The following PDE4D variants were observed in gnomAD, a reference collection of about 807,000 sequenced individuals.
PDE4D encodes the protein 3',5'-cyclic-AMP phosphodiesterase 4D.
PDE4D carries 24 observed loss-of-function variants against 87.4 expected under a neutral mutation model. The ratio of observed to expected loss-of-function variants is 0.27; its 90% CI spans 0.20 to 0.39. The LOEUF is 0.39. Ranked by LOEUF, PDE4D falls within the 10% of genes least tolerant of loss-of-function variation. PDE4D has a pLI of 1.00. For missense variants in PDE4D, 714 were observed against 1,041.0 expected (o/e 0.69, Z 4.32); for synonymous variants, 384 against 383.2 (o/e 1.00, Z -0.02).
chr5:59,414,646 C>G (rs1291586846), intron 1 of PDE4D, among the ~76,000 whole-genome samples: 2 of 152,220 alleles, frequency 1.3e-5, no homozygotes, highest in African/African-American at 4.8e-5. Context: ...ATGTCATTCA[C>G]TAGCTCATAC....
intron 2 of PDE4D, among the ~76,000 whole-genome samples, chr5:60,105,790 T>G (rs3989105): frequency 0.5 from 75,863 of 151,796 alleles, 19,439 homozygotes; most frequent in Admixed American, 0.56. Context: ...AGAAATAAAA[T>G]CCTTTACAGA....
intron 1 of PDE4D, among the ~76,000 whole-genome samples, chr5:59,668,845 G>GGAAGAGGAAGAAGAA (rs1561441240): frequency 1.6e-5 from 1 of 62,188 alleles, no homozygotes; most frequent in Admixed American, 1.7e-4. Flanking sequence ...AAGAGGAAGA[G>GGAAGAGGAAGAAGAA]GAAGAAGAAG....
At chr5:59,348,009 T>G (rs1159613520) in intron 1 of PDE4D, among the ~76,000 whole-genome samples, 1 of 152,150 alleles carries the variant, frequency 6.6e-6, no homozygotes, top group African/African-American at 2.4e-5. Context: ...TTTTATTTAT[T>G]GTTAACTTGT....
intron 1 of PDE4D, among the ~76,000 whole-genome samples, chr5:59,547,072 T>C (rs1423257682): frequency 6.6e-6 from 1 of 152,204 alleles, no homozygotes; most frequent in Non-Finnish European, 1.5e-5. Context: ...GAGTTGGTTC[T>C]ATGTTCATCC....
intron 1 of PDE4D, among the ~76,000 whole-genome samples, chr5:59,280,847 T>C (rs778403153): frequency 1.3e-5 from 2 of 151,578 alleles, no homozygotes; most frequent in Non-Finnish European, 2.9e-5. Flanking sequence ...TGTTACTATT[T>C]GTAAGAGATT....
chr5:59,710,068 G>A (rs551701056), intron 1 of PDE4D, among the ~76,000 whole-genome samples: 27 of 152,138 alleles, frequency 1.8e-4, no homozygotes, highest in Non-Finnish European at 2.8e-4. Context: ...GTGAGACATG[G>A]TGACTATGTG....
intron 2 of PDE4D, among the ~76,000 whole-genome samples, chr5:60,079,030 A>T (rs1341394358): frequency 1.3e-5 from 2 of 152,198 alleles, no homozygotes; most frequent in African/African-American, 4.8e-5. Context: ...CTATTTCTCC[A>T]CAACCTTGCC....
chr5:59,341,399 G>C (rs1778696348), intron 1 of PDE4D, among the ~76,000 whole-genome samples: 2 of 152,250 alleles, frequency 1.3e-5, no homozygotes, highest in South Asian at 4.1e-4. Context: ...TGAAGCATCA[G>C]AGTCCCTTAT....
In PDE4D at chr5:59,410,065, G is replaced by T. The variant is rs1792380538; in HGVS notation, c.456-194097C>A. Among the ~76,000 whole-genome samples, 3 of 151,934 alleles carry T rather than the reference G, an allele frequency of 2.0e-5. No homozygotes were observed. In the South Asian group the frequency reaches 6.2e-4, roughly 31 times the overall value. ...CATCTCAAGCATTTATCATTTCTTT[G>T]TGTTACAAACATTCCAATTATATTC... On this transcript the variant is annotated intron_variant, in intron 1 of 14. Transcript: ENST00000340635.
intron 1 of PDE4D, among the ~76,000 whole-genome samples, chr5:60,415,130 G>T (rs1742374341): frequency 6.6e-6 from 1 of 152,248 alleles, no homozygotes; most frequent in Non-Finnish European, 1.5e-5. Context: ...TCATTAATGT[G>T]CATGGGTTCC....
At chr5:60,336,708 T>C (rs1013594061) in intron 1 of PDE4D, among the ~76,000 whole-genome samples, 3 of 152,290 alleles carry the variant, frequency 2.0e-5, no homozygotes, top group Admixed American at 6.5e-5. Context: ...ATGATTCTGT[T>C]GATAGGATCC....
chr5:60,327,986 A>T (rs1039120320), intron 1 of PDE4D, among the ~76,000 whole-genome samples: 7 of 152,202 alleles, frequency 4.6e-5, no homozygotes, highest in Non-Finnish European at 1.0e-4. Flanking sequence ...AAAGAAACCA[A>T]AATAAGAATT....
rs75523714 is a variant in PDE4D at position 59,447,623 on chromosome 5, T to G, written c.456-231655A>C. ...AATTCATCGGAATGAGGAAGTAACA[T>G]TAGATATAGCTTTGGGACAGTGCAC... On this transcript the variant is annotated intron_variant, in intron 1 of 14. Coordinates refer to ENST00000340635, the MANE Select transcript of PDE4D (RefSeq NM_001104631.2). Among the ~76,000 whole-genome samples the G allele has an allele frequency of 4.6e-3, 701 of 152,352 alleles. 24 individuals are homozygous for G. The East Asian group carries it at 0.09, about 20-fold the overall frequency.
At chr5:59,460,376 T>G (rs1455606333) in intron 1 of PDE4D, among the ~76,000 whole-genome samples, 2 of 152,172 alleles carry the variant, frequency 1.3e-5, no homozygotes, top group African/African-American at 4.8e-5. Flanking sequence ...AAGACAATAC[T>G]AAATTACTTG....
intron 1 of PDE4D, among the ~76,000 whole-genome samples, chr5:59,482,614 A>G (rs1025889908): frequency 5.9e-5 from 9 of 152,184 alleles, no homozygotes; most frequent in Admixed American, 4.6e-4. Context: ...AAATGGACCC[A>G]TAGAAGTTAT....
intron 1 of PDE4D, among the ~76,000 whole-genome samples, chr5:59,395,277 A>T (rs1021812635): frequency 7.2e-5 from 11 of 152,208 alleles, no homozygotes; most frequent in Admixed American, 2.0e-4. Flanking sequence ...CTCTGGGGGC[A>T]GGGCAGGGCA....
intron 5 of PDE4D, chr5:59,039,339 G>A (rs1186926779): frequency 3.0e-5 from 31 of 1,037,756 alleles, no homozygotes; most frequent in Non-Finnish European, 3.4e-5. Context: ...AGCGGATGGC[G>A]AGGGGGTGGC....
chr5:59,614,390 T>G (rs1005514211), intron 1 of PDE4D, among the ~76,000 whole-genome samples: 1 of 152,340 alleles, frequency 6.6e-6, no homozygotes, highest in South Asian at 2.1e-4. Context: ...TTGTTTTATC[T>G]TTTAACTAAA....
At chr5:60,257,131 G>T (rs540794037) in intron 1 of PDE4D, among the ~76,000 whole-genome samples, 1 of 149,186 alleles carries the variant, frequency 6.7e-6, no homozygotes, top group South Asian at 2.1e-4. Flanking sequence ...TGGCCAAAAA[G>T]AATTAAGATT....
Sources: gnomAD v4.1 joint callset for allele counts (sites outside exome capture counted in the v4.1 genomes callset) on GRCh38, gnomAD v4.1.1 for gene constraint, MANE v1.5 for transcripts, NCBI Gene and HGNC (gene_info 2026-07-23, HGNC 2026-07-21) for gene names.